The following SRGAP3 variants were observed in gnomAD, a reference collection of about 807,000 sequenced individuals.
SRGAP3 encodes SLIT-ROBO Rho GTPase-activating protein 3.
A neutral mutation model predicts 121.1 loss-of-function variants in SRGAP3; 39 were observed. That is an observed-to-expected ratio of 0.32 (90% CI 0.25 to 0.42). The LOEUF is 0.42. SRGAP3 is among the 10% of genes least tolerant of loss of function. SRGAP3 has a pLI of 1.00. For missense variants in SRGAP3, 1,213 were observed against 1,470.6 expected (o/e 0.82, Z 2.86); for synonymous variants, 601 against 570.0 (o/e 1.05, Z -0.77).
At chr3:9,024,544 C>T (rs1017613000) in intron 14 of SRGAP3, among the ~76,000 whole-genome samples, 1 of 152,186 alleles carries the variant, frequency 6.6e-6, no homozygotes, top group Admixed American at 6.5e-5. Flanking sequence ...CTGTCACTGG[C>T]CATCTGTTCC....
At chr3:9,098,896 C>G (rs577678782) in intron 3 of SRGAP3, among the ~76,000 whole-genome samples, 1 of 152,148 alleles carries the variant, frequency 6.6e-6, no homozygotes, top group African/African-American at 2.4e-5. Context: ...TGACCGTTCG[C>G]GACTTCATCT....
intron 1 of SRGAP3, among the ~76,000 whole-genome samples, chr3:9,212,225 A>G (rs1454356108): frequency 6.6e-6 from 1 of 152,210 alleles, no homozygotes; most frequent in Non-Finnish European, 1.5e-5. Context: ...GAGTTAAGCT[A>G]TTAACAGTCC....
chr3:9,097,893 G>A (rs1042375151), intron 3 of SRGAP3, among the ~76,000 whole-genome samples: 2 of 152,214 alleles, frequency 1.3e-5, no homozygotes, highest in East Asian at 1.9e-4. Flanking sequence ...CCTTAAGACT[G>A]CACCACAGTC....
At chr3:9,244,213 A>G (rs1953746293) in intron 1 of SRGAP3, among the ~76,000 whole-genome samples, 1 of 152,122 alleles carries the variant, frequency 6.6e-6, no homozygotes, top group Admixed American at 6.6e-5. Flanking sequence ...TCTCATTTTT[A>G]TCACCATATT....
chr3:9,260,854 G>A (rs564268043), intron 3 of SRGAP3, among the ~76,000 whole-genome samples: 9 of 152,356 alleles, frequency 5.9e-5, no homozygotes, highest in African/African-American at 1.9e-4. Context: ...GCTCTGCTAA[G>A]GGACAGACTG....
chr3:9,302,616 CTTTA>C (rs1187354233), intron 3 of SRGAP3, among the ~76,000 whole-genome samples: 1 of 152,198 alleles, frequency 6.6e-6, no homozygotes. Context: ...TCTCGCAGAG[CTTTA>C]TTTCTCTCCC....
chr3:9,337,121 A>T (rs1955707024), intron 1 of SRGAP3, among the ~76,000 whole-genome samples: 1 of 152,196 alleles, frequency 6.6e-6, no homozygotes, highest in Non-Finnish European at 1.5e-5. Flanking sequence ...CCCAGTTCAA[A>T]GTCAGTCAGG....
chr3:9,091,973 G>A (rs1377567705), intron 3 of SRGAP3, among the ~76,000 whole-genome samples: 9 of 152,104 alleles, frequency 5.9e-5, no homozygotes. Context: ...TCTTCCTACT[G>A]TTGCCAGGGC....
chr3:9,170,136 C>T (rs1261403845), intron 1 of SRGAP3, among the ~76,000 whole-genome samples: 2 of 152,270 alleles, frequency 1.3e-5, no homozygotes, highest in Non-Finnish European at 2.9e-5. Flanking sequence ...TGATCACTGC[C>T]GTTTAGACAG....
At chr3:9,040,768 A>G (rs1944975445) in intron 10 of SRGAP3, among the ~76,000 whole-genome samples, 1 of 152,118 alleles carries the variant, frequency 6.6e-6, no homozygotes, top group Non-Finnish European at 1.5e-5. Flanking sequence ...TATGTTGCCC[A>G]GGCTTCTTCC....
At chr3:8,986,381 A>G (rs1245870142) in intron 21 of SRGAP3, among the ~76,000 whole-genome samples, 1 of 152,220 alleles carries the variant, frequency 6.6e-6, no homozygotes, top group Non-Finnish European at 1.5e-5. Flanking sequence ...GGCACAGAGT[A>G]AGCACTCAAA....
At chr3:8,996,268 G>A (rs1165292048) in intron 18 of SRGAP3, among the ~76,000 whole-genome samples, 1 of 129,402 alleles carries the variant, frequency 7.7e-6, no homozygotes, top group Non-Finnish European at 1.6e-5. Flanking sequence ...GCACTTCTAA[G>A]GGCCACGGAT....
chr3:9,285,888 G>A (rs755802270), intron 3 of SRGAP3, among the ~76,000 whole-genome samples: 4 of 151,138 alleles, frequency 2.6e-5, no homozygotes, highest in Non-Finnish European at 5.9e-5. Flanking sequence ...TGGGAGGATC[G>A]ATTAAACTCA....
At chr3:9,216,841 A>G (rs1168624762) in intron 1 of SRGAP3, 1 of 152,486 alleles carries the variant, frequency 6.6e-6, no homozygotes, top group Non-Finnish European at 1.5e-5. Context: ...CTTAAAAAGG[A>G]AGGGAATTCT....
In SRGAP3 at chr3:9,029,011, T is replaced by C. The variant is rs563436747; in HGVS notation, c.1540-2016A>G. On this transcript the variant is annotated intron_variant, in intron 12 of 21. Transcript: ENST00000383836. ...GGGTGAGCACTTGTCCCATCCAGGC[T>C]CCTGGAGGATGTGTGCCTTCTAGCT... Among the ~76,000 whole-genome samples the C allele has an allele frequency of 5.9e-5, 9 of 152,254 alleles. 1 individual carries two copies. In the South Asian group the frequency reaches 1.7e-3, roughly 28 times the overall value.
intron 17 of SRGAP3, among the ~76,000 whole-genome samples, chr3:9,010,784 C>T (rs752730670): frequency 1.3e-5 from 2 of 152,200 alleles, no homozygotes; most frequent in Non-Finnish European, 2.9e-5. Flanking sequence ...TCTGGCCTGA[C>T]TCTCTTGTCT....
chr3:9,085,954 T>G (rs896067262), intron 3 of SRGAP3, among the ~76,000 whole-genome samples: 8 of 152,192 alleles, frequency 5.3e-5, no homozygotes, highest in Admixed American at 2.0e-4. Context: ...CCTGTACATG[T>G]ACCTCTGAAC....
At chr3:9,284,323 T>C (rs915026428) in intron 3 of SRGAP3, among the ~76,000 whole-genome samples, 1 of 152,212 alleles carries the variant, frequency 6.6e-6, no homozygotes, top group African/African-American at 2.4e-5. Flanking sequence ...ATTAATAATG[T>C]GTACTGCTTT....
At chr3:9,206,826 T>C (rs1474062657) in intron 1 of SRGAP3, among the ~76,000 whole-genome samples, 1 of 152,196 alleles carries the variant, frequency 6.6e-6, no homozygotes, top group Non-Finnish European at 1.5e-5. Flanking sequence ...TCATCGCACC[T>C]ATCAGTGCTT....
Sources: allele counts gnomAD v4.1 joint callset (sites outside exome capture counted in the v4.1 genomes callset), GRCh38; gene constraint gnomAD v4.1.1; transcripts MANE v1.5; gene names NCBI Gene and HGNC (gene_info 2026-07-23, HGNC 2026-07-21).